Variants in IMMP2L observed in about 807,000 individuals in gnomAD.
The protein encoded by IMMP2L is inner mitochondrial membrane peptidase subunit 2.
In IMMP2L, 18 loss-of-function variants were observed where a neutral mutation model predicts 19.3. That is an observed-to-expected ratio of 0.93 (90% CI 0.64 to 1.38). The LOEUF (loss-of-function observed/expected upper bound fraction) is 1.38, where lower values mean the gene tolerates loss of function less well. Ranked by LOEUF, IMMP2L falls within the 40% of genes most tolerant of loss-of-function variation. The pLI is 0.00. For missense variants in IMMP2L, 233 were observed against 218.2 expected (o/e 1.07, Z -0.43); for synonymous variants, 76 against 73.0 (o/e 1.04, Z -0.21).
intron 3 of IMMP2L, among the ~76,000 whole-genome samples, chr7:111,399,599 T>A (rs1051780966): frequency 6.6e-6 from 1 of 152,004 alleles, no homozygotes; most frequent in Non-Finnish European, 1.5e-5. Flanking sequence ...AAGTTATCCA[T>A]CAGCCTCAGC....
Position 110,963,509 on chromosome 7 carries a change from T to G in IMMP2L, c.296A>C (p.Asp99Ala). The G allele has an allele frequency of 6.3e-7, 1 of 1,598,234 alleles. No homozygotes were observed. The highest frequency in any genetic ancestry group is 8.6e-7 in the Non-Finnish European group (1 of 1,168,278). ...IIKRVIALEG[D>A]IVRTIGHKNR... ...AACAGTAAATACTTACCTGACAATA[T>G]CTCCTTCAAGAGCAATCACTCTCTT... Residue 99 changes from aspartate (D) to alanine (A), a missense_variant, in exon 4 of 6, where the codon GAT (aspartate) becomes GCT (alanine). Coordinates refer to ENST00000405709, the MANE Select transcript of IMMP2L (RefSeq NM_032549.4).
chr7:111,350,050 C>A (rs1827992150), intron 3 of IMMP2L, among the ~76,000 whole-genome samples: 1 of 151,696 alleles, frequency 6.6e-6, no homozygotes, highest in South Asian at 2.1e-4. Flanking sequence ...TCACTGCAAC[C>A]TCCATCTTCT....
At chr7:111,394,835 T>A (rs772521826) in intron 3 of IMMP2L, 1 of 222,352 alleles carries the variant, frequency 4.5e-6, no homozygotes, top group East Asian at 1.1e-4. Flanking sequence ...TGTAAAATAG[T>A]AGTTACATGA....
chr7:110,852,537 C>T (rs749702571), intron 5 of IMMP2L, among the ~76,000 whole-genome samples: 35 of 152,118 alleles, frequency 2.3e-4, no homozygotes, highest in Middle Eastern at 3.4e-3. Flanking sequence ...TGTGCCAATC[C>T]TCCCTTCAGG....
chr7:110,770,358 A>G (rs1798955923), intron 5 of IMMP2L, among the ~76,000 whole-genome samples: 1 of 152,204 alleles, frequency 6.6e-6, no homozygotes, highest in Non-Finnish European at 1.5e-5. Flanking sequence ...GTGAATTACA[A>G]ACATTTCTGT....
In IMMP2L at chr7:111,419,899, T is replaced by C. The variant is rs189052763; in HGVS notation, c.239+67339A>G. On this transcript the variant is annotated intron_variant, in intron 3 of 5. Transcript: ENST00000405709. ...TTCATAGAAAAAGAAAATGATAAGGTGGTTTCCAGACACTGGAAGTAGTGG... is the reference window on the plus strand; with the variant it reads ...TTCATAGAAAAAGAAAATGATAAGGCGGTTTCCAGACACTGGAAGTAGTGG... Among the ~76,000 whole-genome samples the C allele has an allele frequency of 1.2e-3, 176 of 151,756 alleles. 1 individual carries two copies. Among genetic ancestry groups the C allele is most frequent in the Non-Finnish European group, 1.4e-3 (96 of 68,004 alleles).
chr7:111,278,246 T>C (rs1210265445), intron 3 of IMMP2L, among the ~76,000 whole-genome samples: 1 of 152,174 alleles, frequency 6.6e-6, no homozygotes, highest in Non-Finnish European at 1.5e-5. Flanking sequence ...CTTTGAAAAG[T>C]TTTAACATAC....
intron 3 of IMMP2L, among the ~76,000 whole-genome samples, chr7:111,262,499 G>T (rs1300653248): frequency 6.6e-6 from 1 of 152,102 alleles, no homozygotes; most frequent in Non-Finnish European, 1.5e-5. Context: ...GGGTTGAAGA[G>T]AAGGCAGTTG....
intron 5 of IMMP2L, among the ~76,000 whole-genome samples, chr7:110,705,803 A>C (rs1000640789): frequency 1.3e-5 from 2 of 152,006 alleles, no homozygotes; most frequent in African/African-American, 4.8e-5. Context: ...CTTATAAGTG[A>C]GAACAGGCGA....
At chr7:111,224,058 T>G (rs759095053) in intron 3 of IMMP2L, among the ~76,000 whole-genome samples, 13 of 152,126 alleles carry the variant, frequency 8.5e-5, no homozygotes, top group African/African-American at 3.1e-4. Context: ...AATTCTGTTC[T>G]GCCACTCACT....
chr7:111,027,059 T>C (rs550675557), intron 3 of IMMP2L, among the ~76,000 whole-genome samples: 8 of 152,134 alleles, frequency 5.3e-5, no homozygotes, highest in Non-Finnish European at 1.2e-4. Flanking sequence ...TTAGAATGAG[T>C]GTAACTTCAT....
chr7:111,225,858 T>C (rs1813031954), intron 3 of IMMP2L, among the ~76,000 whole-genome samples: 1 of 152,146 alleles, frequency 6.6e-6, no homozygotes, highest in Non-Finnish European at 1.5e-5. Flanking sequence ...ATAAGACTTG[T>C]TAAGTGTTCT....
chr7:111,124,284 T>C (rs148639592), intron 3 of IMMP2L: 1 of 1,613,890 alleles, frequency 6.2e-7, no homozygotes, highest in Non-Finnish European at 8.5e-7. Context: ...TAGTTGGCGC[T>C]GACTTGAAGT....
At chr7:111,092,686 A>C (rs961704127) in intron 3 of IMMP2L, among the ~76,000 whole-genome samples, 4 of 152,196 alleles carry the variant, frequency 2.6e-5, no homozygotes, top group African/African-American at 9.6e-5. Context: ...CATGGAATTC[A>C]GTGTGGGTTA....
At chr7:110,984,126 G>A (rs1821600545) in intron 3 of IMMP2L, among the ~76,000 whole-genome samples, 1 of 151,982 alleles carries the variant, frequency 6.6e-6, no homozygotes, top group Admixed American at 6.6e-5. Flanking sequence ...CGGAGAACAT[G>A]TAAATGCAGA....
intron 3 of IMMP2L, among the ~76,000 whole-genome samples, chr7:111,307,733 G>A (rs1823035132): frequency 6.6e-6 from 1 of 150,676 alleles, no homozygotes; most frequent in African/African-American, 2.4e-5. Flanking sequence ...TTTCTTACTT[G>A]GAACTATTTC....
At chr7:111,251,471 T>C (rs1170287181) in intron 3 of IMMP2L, among the ~76,000 whole-genome samples, 1 of 152,130 alleles carries the variant, frequency 6.6e-6, no homozygotes, top group Non-Finnish European at 1.5e-5. Flanking sequence ...CATGCAGCAC[T>C]ATTCACAACA....
chr7:110,808,315 A>G (rs570001875), intron 5 of IMMP2L, among the ~76,000 whole-genome samples: 1 of 152,220 alleles, frequency 6.6e-6, no homozygotes, highest in South Asian at 2.1e-4. Context: ...AAAGCAGAGC[A>G]GCCACCATGC....
intron 3 of IMMP2L, among the ~76,000 whole-genome samples, chr7:111,236,076 TCTC>T (rs1392641129): frequency 6.6e-6 from 1 of 152,130 alleles, no homozygotes; most frequent in East Asian, 1.9e-4. Flanking sequence ...CAATCTTTCC[TCTC>T]CTTTTTTGAA....
Sources: gnomAD v4.1 joint callset for allele counts (sites outside exome capture counted in the v4.1 genomes callset) on GRCh38, gnomAD v4.1.1 for gene constraint, MANE v1.5 for transcripts, NCBI Gene and HGNC (gene_info 2026-07-23, HGNC 2026-07-21) for gene names.